Variants in WDR7 observed in about 807,000 individuals in gnomAD.
The protein encoded by WDR7 is WD repeat domain 7.
Under a neutral mutation model 169.4 loss-of-function variants are expected in WDR7, and 46 were observed. The ratio of observed to expected loss-of-function variants is 0.27; its 90% CI spans 0.21 to 0.35. The LOEUF is 0.35. Among genes scored for constraint, WDR7 ranks in the 10% least tolerant of loss-of-function variants. WDR7 has a pLI of 1.00. For synonymous variants in WDR7, 612 were observed against 666.8 expected, an observed-to-expected ratio of 0.92 and a Z score of 1.27; for missense variants, 1,534 against 1,859.3, an observed-to-expected ratio of 0.83 and a Z score of 3.22.
intron 13 of WDR7, among the ~76,000 whole-genome samples, chr18:56,727,343 A>ATT (rs148917459): frequency 1.3e-5 from 2 of 150,478 alleles, no homozygotes; most frequent in African/African-American, 4.9e-5. Context: ...TTGGGAATGG[A>ATT]TTTTTTTTTT....
chr18:57,010,330 A>G, intron 26 of WDR7: 1 of 974,708 alleles, frequency 1.0e-6, no homozygotes, highest in Non-Finnish European at 1.2e-6. Context: ...TAATTTATTC[A>G]CTATTCTTTT....
At chr18:56,961,462 G>T (rs1310102520) in intron 25 of WDR7, among the ~76,000 whole-genome samples, 3 of 151,994 alleles carry the variant, frequency 2.0e-5, no homozygotes, top group African/African-American at 7.2e-5. Context: ...AATATCTAGG[G>T]TAGGCCACTT....
At chr18:56,698,908 A>G (rs2025764274) in intron 12 of WDR7, among the ~76,000 whole-genome samples, 1 of 152,136 alleles carries the variant, frequency 6.6e-6, no homozygotes, top group African/African-American at 2.4e-5. Flanking sequence ...AGGATTGGGA[A>G]AAACAACTAA....
chr18:56,808,222 G>A (rs1219820652), intron 19 of WDR7, among the ~76,000 whole-genome samples: 1 of 152,124 alleles, frequency 6.6e-6, no homozygotes. Flanking sequence ...ATAAATTCAG[G>A]CCTTCTGCCT....
intron 1 of WDR7, among the ~76,000 whole-genome samples, chr18:56,664,849 G>A (rs568555028): frequency 6.6e-6 from 1 of 152,314 alleles, no homozygotes; most frequent in African/African-American, 2.4e-5. Flanking sequence ...AATAGTAGTA[G>A]GAGTAGTAAA....
rs536090203 is a variant in WDR7 at position 56,952,815 on chromosome 18, C to T, written c.4065-9615C>T. ...ATGGAGAAATGCATATTACTAAATG[C>T]ATATTACTAAATGCAAGAAATCAAT... On this transcript the variant is annotated intron_variant, in intron 25 of 27. Coordinates refer to ENST00000254442, the MANE Select transcript of WDR7 (RefSeq NM_015285.3). 3.9e-5 allele frequency among the ~76,000 whole-genome samples: 6 copies of T among 152,256 alleles called. No individual in the cohort carries two copies. In the East Asian group the frequency reaches 1.2e-3, roughly 29 times the overall value.
chr18:56,800,947 G>T (rs1262245927), intron 19 of WDR7, among the ~76,000 whole-genome samples: 2 of 152,030 alleles, frequency 1.3e-5, no homozygotes, highest in Admixed American at 6.6e-5. Context: ...ACTGCTTCTG[G>T]GTCCTGTGAG....
chr18:56,805,691 G>C (rs565448424), intron 19 of WDR7, among the ~76,000 whole-genome samples: 2 of 151,256 alleles, frequency 1.3e-5, no homozygotes, highest in South Asian at 4.2e-4. Context: ...CTCAGGTATT[G>C]AAGTTTTTAT....
chr18:56,811,057 G>A (rs145942325), intron 19 of WDR7, among the ~76,000 whole-genome samples: 14 of 152,220 alleles, frequency 9.2e-5, no homozygotes, highest in Admixed American at 3.3e-4. Context: ...AATGTTTTGC[G>A]ACTTCTTTTA....
At chr18:57,031,750 G>A (rs921026211), downstream of WDR7, 2 of 152,204 alleles carry the variant, frequency 1.3e-5, no homozygotes, top group South Asian at 2.1e-4. Context: ...GAGAAGGCCA[G>A]GAGTCTAGCA....
chr18:56,727,850 A>G (rs1378664376), intron 13 of WDR7, among the ~76,000 whole-genome samples: 1 of 152,222 alleles, frequency 6.6e-6, no homozygotes, highest in Non-Finnish European at 1.5e-5. Context: ...GATATGTTAC[A>G]ACCATTTAAT....
chr18:56,844,123 A>G (rs1460928126), intron 20 of WDR7, among the ~76,000 whole-genome samples: 1 of 150,876 alleles, frequency 6.6e-6, no homozygotes, highest in African/African-American at 2.4e-5. Context: ...GTCCTCCCAA[A>G]GTGCTAGGAT....
At chr18:56,676,262 T>C (rs1158444996) in intron 2 of WDR7, among the ~76,000 whole-genome samples, 1 of 152,182 alleles carries the variant, frequency 6.6e-6, no homozygotes, top group African/African-American at 2.4e-5. Context: ...TGTGTGTTTT[T>C]ATAGGTGAAG....
At chr18:56,929,826 C>A (rs897433802) in intron 22 of WDR7, among the ~76,000 whole-genome samples, 20 of 152,194 alleles carry the variant, frequency 1.3e-4, no homozygotes, top group African/African-American at 3.4e-4. Flanking sequence ...ATAGTATTAA[C>A]CTTTTTATGC....
At chr18:56,724,880 A>G (rs1235610981) in intron 13 of WDR7, among the ~76,000 whole-genome samples, 8 of 151,630 alleles carry the variant, frequency 5.3e-5, no homozygotes, top group Non-Finnish European at 1.2e-4. Flanking sequence ...TTCAGTTCCC[A>G]CCTATGAGTG....
At chr18:56,668,898 G>GTT (rs34232858) in intron 1 of WDR7, among the ~76,000 whole-genome samples, 1 of 147,670 alleles carries the variant, frequency 6.8e-6, no homozygotes, top group African/African-American at 2.5e-5. Context: ...CAAAATCTGT[G>GTT]TTTTTTTTTT....
intron 21 of WDR7, among the ~76,000 whole-genome samples, chr18:56,888,987 G>T (rs1314854832): frequency 6.6e-6 from 1 of 152,150 alleles, no homozygotes; most frequent in Admixed American, 6.5e-5. Flanking sequence ...CCTGAATTAG[G>T]GATCAGGGCT....
At chr18:56,786,598 T>C (rs1363126329) in intron 19 of WDR7, among the ~76,000 whole-genome samples, 1 of 152,006 alleles carries the variant, frequency 6.6e-6, no homozygotes, top group East Asian at 1.9e-4. Context: ...AGAATTTTGT[T>C]TCAGATAATG....
At chr18:56,789,081 G>A (rs1006064341) in intron 19 of WDR7, among the ~76,000 whole-genome samples, 13 of 152,128 alleles carry the variant, frequency 8.5e-5, no homozygotes, top group African/African-American at 2.9e-4. Flanking sequence ...GACTGATCAC[G>A]TATTTAGCAG....
Sources: allele counts gnomAD v4.1 joint callset (sites outside exome capture counted in the v4.1 genomes callset), GRCh38; gene constraint gnomAD v4.1.1; transcripts MANE v1.5; gene names NCBI Gene and HGNC (gene_info 2026-07-23, HGNC 2026-07-21).